Variants in SETD6 observed in about 807,000 individuals in gnomAD.
The protein encoded by SETD6 is SET domain containing 6, protein lysine methyltransferase.
A neutral mutation model predicts 52.7 loss-of-function variants in SETD6; 67 were observed. The observed-to-expected ratio is 1.27, with a 90% CI of 1.04 to 1.56. The LOEUF (loss-of-function observed/expected upper bound fraction) is 1.56. Ranked by LOEUF, SETD6 falls within the 40% of genes most tolerant of loss-of-function variation. The pLI is 0.00. For synonymous variants in SETD6, 307 were observed against 250.2 expected (o/e 1.23, Z -2.14); for missense variants, 712 against 607.5 (o/e 1.17, Z -1.81).
Position 58,521,352 on chromosome 16 carries a change from G to C in SETD6, c.*2323G>C. ...GGGAGAAAGAGCTAGTTAATGTATA[G>C]AAGCATACAAATTCATGATTATTCT... is the stretch of plus-strand genomic sequence containing the variant. On this transcript the variant is annotated 3_prime_UTR_variant, in exon 8 of 8. Coordinates refer to ENST00000219315, the MANE Select transcript of SETD6 (RefSeq NM_001160305.4). 6.4e-7 allele frequency: 1 copy of C among 1,563,274 alleles called. No homozygotes were observed. The highest frequency in any genetic ancestry group is 8.6e-7 in the Non-Finnish European group (1 of 1,157,740).
At chr16:58,517,139 C>A in intron 5 of SETD6, 1 of 659,066 alleles carries the variant, frequency 1.5e-6, no homozygotes, top group Non-Finnish European at 2.6e-6. Context: ...ATAAACTATA[C>A]TACCATCATT....
At position 58,515,855 on chromosome 16, in the gene SETD6, G is replaced by A. The variant is rs2039108620; in HGVS notation, c.92G>A (p.Arg31Gln). The change falls in exon 2 of 8, where the codon CGG (arginine) becomes CAG (glutamine). Residue 31 changes from arginine (R) to glutamine (Q), a missense_variant. By Grantham distance (43) the Arg-to-Gln change is conservative. Transcript: ENST00000219315. ...GCCTGCTTCCTGAGCTGGTGCCGGC[G>A]GGTGGGGCTGGAGCTGAGTCCCAAG... is the stretch of plus-strand genomic sequence containing the variant. ...PVACFLSWCR[R>Q]VGLELSPKVS... The A allele has an allele frequency of 6.5e-7, 1 of 1,527,570 alleles. No individual in the cohort carries two copies. Among genetic ancestry groups the A allele is most frequent in the East Asian group, 2.6e-5 (1 of 38,258 alleles). 94.6% of individuals were successfully genotyped at this position (1,527,570 alleles called of 1,614,324 possible).
At position 58,520,393 on chromosome 16, in the gene SETD6, T is replaced by C. The variant is rs1212207013; in HGVS notation, c.*1364T>C. On this transcript the variant is annotated 3_prime_UTR_variant, in exon 8 of 8. Coordinates refer to ENST00000219315, the MANE Select transcript of SETD6 (RefSeq NM_001160305.4). Reference sequence around the variant, plus strand: ...GGAATACGTTTGGGTAGAGACAAAATGGAAACTCATGGGATTCCAATAGTG... The same window carrying C: ...GGAATACGTTTGGGTAGAGACAAAACGGAAACTCATGGGATTCCAATAGTG... 6.5e-6 allele frequency: 1 copy of C among 154,204 alleles called. No individual in the cohort carries two copies. Among genetic ancestry groups the C allele is most frequent in the East Asian group, 1.9e-4 (1 of 5,224 alleles). The allele number at this position is 154,204 out of a possible 1,614,324, so 9.6% of individuals were successfully genotyped here.
Position 58,515,975 on chromosome 16 carries a change from C to G in SETD6, c.212C>G (p.Thr71Arg). ...PAQVAVSRQG[T>R]VAGYGMVARE... ...CAGGTGGCGGTCAGCCGGCAGGGCA[C>G]GGTGGCCGGCTACGGCATGGTGGCC... Residue 71 changes from threonine (T) to arginine (R), a missense_variant, in exon 2 of 8, where the codon ACG becomes AGG. Transcript: ENST00000219315. 1 of 1,535,560 alleles carries G rather than the reference C, an allele frequency of 6.5e-7. No individual in the cohort carries two copies. Among genetic ancestry groups the G allele is most frequent in the East Asian group, 2.6e-5 (1 of 38,914 alleles).
chr16:58,517,690 G>A lies in SETD6; in HGVS notation c.793-361G>A, dbSNP rs145361088. On this transcript the variant is annotated intron_variant, in intron 5 of 7. Coordinates refer to ENST00000219315, the MANE Select transcript of SETD6 (RefSeq NM_001160305.4). ...GGGGTTTCTCCGTGTTGGCCAGGCT[G>A]GTCTTGAACTCCTGATCTCAGGTGA... 3.7e-4 allele frequency: 103 copies of A among 277,980 alleles called. 1 individual carries two copies. In the East Asian group the frequency reaches 6.6e-3, roughly 18 times the overall value. The allele number at this position is 277,980 out of a possible 1,614,324, so 17.2% of individuals were successfully genotyped here. A position where few individuals can be genotyped will look rare whatever the true frequency, so the allele number is the denominator to read the frequency against.
intron 5 of SETD6, chr16:58,517,712 G>A (rs2039213899): frequency 7.9e-5 from 26 of 327,714 alleles, no homozygotes; most frequent in South Asian, 6.6e-4. Context: ...CTGATCTCAG[G>A]TGATCTGCCC....
Position 58,516,869 on chromosome 16 carries a change from C to T in SETD6, c.733C>T (p.Pro245Ser). ...GGAGCCCAACTCCCCCGTGATGGTGCCTGCTGCAGACATACTAAACCACTT... is the reference window on the plus strand; with the variant it reads ...GGAGCCCAACTCCCCCGTGATGGTGTCTGCTGCAGACATACTAAACCACTT... ...EKEPNSPVMV[P>S]AADILNHLAN... is the part of the protein sequence containing the mutation. Residue 245 changes from proline to serine, a missense_variant, in exon 5 of 8, where the codon CCT (proline) becomes TCT (serine). Coordinates refer to ENST00000219315, the MANE Select transcript of SETD6 (RefSeq NM_001160305.4). The T allele has an allele frequency of 3.1e-6, 5 of 1,614,194 alleles. No homozygotes were observed. Among genetic ancestry groups the T allele is most frequent in the Non-Finnish European group, 4.2e-6 (5 of 1,180,034 alleles).
rs759590325 is a variant in SETD6, at chr16:58,516,912, A to G, written c.776A>G (p.Asn259Ser). ...AACCACTTAGCCAATCACAACGCCA[A>G]TCTAGAATACTCTGCGGTGAGTGGA... Reference protein sequence around the residue: ...ILNHLANHNANLEYSANCLRM... With the variant: ...ILNHLANHNASLEYSANCLRM... Residue 259 changes from asparagine (N) to serine (S), a missense_variant, in exon 5 of 8, where the codon AAT becomes AGT. Coordinates refer to ENST00000219315, the MANE Select transcript of SETD6 (RefSeq NM_001160305.4). The G allele has an allele frequency of 6.2e-6, 10 of 1,614,040 alleles. No individual in the cohort carries two copies. Among genetic ancestry groups the G allele is most frequent in the African/African-American group, 5.3e-5 (4 of 74,894 alleles).
rs1268262073 is a variant in SETD6 at position 58,515,570 on chromosome 16, T to G, written c.27+6T>G. 6.4e-7 allele frequency: 1 copy of G among 1,573,964 alleles called. No homozygotes were observed. Among genetic ancestry groups the G allele is most frequent in the Non-Finnish European group, 8.6e-7 (1 of 1,165,678 alleles). ...CCCAGGCGAAGCGTCCACGGGTGAG[T>G]GGCGGGCGCGGGGTCCAGCCTTTTC... is the stretch of plus-strand genomic sequence containing the variant. On this transcript the variant is annotated splice_donor_region_variant and intron_variant, in intron 1 of 7. Transcript: ENST00000219315.
intron 5 of SETD6, chr16:58,517,175 C>G: frequency 1.9e-6 from 1 of 526,824 alleles, no homozygotes; most frequent in Non-Finnish European, 3.4e-6. Flanking sequence ...ATTGAGTGGT[C>G]TGCATAGCCA....
At position 58,518,109 on chromosome 16, in the gene SETD6, C is replaced by T; in HGVS notation, c.851C>T (p.Thr284Ile). The T allele has an allele frequency of 6.2e-7, 1 of 1,614,208 alleles. No individual in the cohort carries two copies. Among genetic ancestry groups the T allele is most frequent in the Non-Finnish European group, 8.5e-7 (1 of 1,180,042 alleles). ...CCTAAAGGCCATGAGATTTTCAACA[C>T]TTATGGGCAAATGGCTAACTGGCAA... ...PIPKGHEIFN[T>I]YGQMANWQLI... Residue 284 changes from threonine to isoleucine, a missense_variant, in exon 6 of 8, where the codon ACT becomes ATT. Physicochemically the swap from Thr to Ile is moderately conservative, Grantham distance 89 (BLOSUM62 -1). Coordinates refer to ENST00000219315, the MANE Select transcript of SETD6 (RefSeq NM_001160305.4).
At position 58,521,079 on chromosome 16, in the gene SETD6, G is replaced by T. The variant is rs371300514; in HGVS notation, c.*2050G>T. On this transcript the variant is annotated 3_prime_UTR_variant, in exon 8 of 8. Coordinates refer to ENST00000219315, the MANE Select transcript of SETD6 (RefSeq NM_001160305.4). ...TTACAAATCTCTGATTAAAGAGTAG[G>T]CCTAACAATACCTTGCATCTCATTC... The T allele has an allele frequency of 5.6e-6, 9 of 1,613,334 alleles. No individual in the cohort carries two copies. In the African/African-American group the frequency reaches 1.1e-4, roughly 19 times the overall value.
In SETD6 at chr16:58,516,607, C is replaced by T. The variant is rs2039163869; in HGVS notation, c.606C>T (p.Leu202=). Residue 202 remains leucine, a synonymous_variant, in exon 4 of 8, where the codon CTC becomes CTT. Transcript: ENST00000219315. Reference sequence around the variant, plus strand: ...CCTTCATGGAAGCCCACCCCGATCTCTTCAGCCTCAGGGTTCGCTCCCTAG... The same window carrying T: ...CCTTCATGGAAGCCCACCCCGATCTTTTCAGCCTCAGGGTTCGCTCCCTAG... ...VLPFMEAHPD[L]FSLRVRSLEL... is the part of the protein sequence containing the mutation. 8 of 1,614,210 alleles carry T rather than the reference C, an allele frequency of 5.0e-6. No individual in the cohort carries two copies. Among genetic ancestry groups the T allele is most frequent in the Non-Finnish European group, 6.8e-6 (8 of 1,180,020 alleles).
In SETD6 at chr16:58,523,807, C is replaced by CGA. The variant is rs2039487888; in HGVS notation, c.*4778_*4779insGA. 1 of 226,962 alleles carries CGA rather than the reference C, an allele frequency of 4.4e-6. No individual in the cohort carries two copies. Among genetic ancestry groups the CGA allele is most frequent in the South Asian group, 9.7e-5 (1 of 10,260 alleles). 14.1% of individuals were successfully genotyped at this position (226,962 alleles called of 1,614,324 possible). A position where few individuals can be genotyped will look rare whatever the true frequency, so the allele number is the denominator to read the frequency against. ...AAGTCTTTCTACATTTTGCAGATCT[C>CGA]TAAGTCTTGCTTAATAAAAGACAGC... is the stretch of plus-strand genomic sequence containing the variant. On this transcript the variant is annotated 3_prime_UTR_variant, in exon 8 of 8. Coordinates refer to ENST00000219315, the MANE Select transcript of SETD6 (RefSeq NM_001160305.4).
Position 58,522,055 on chromosome 16 carries a change from C to CA in SETD6, c.*3027dup, listed in dbSNP as rs1491394620. Among the ~76,000 whole-genome samples, 219 of 151,908 alleles carry CA rather than the reference C, an allele frequency of 1.4e-3. No individual in the cohort carries two copies. Among genetic ancestry groups the CA allele is most frequent in the African/African-American group, 5.2e-3 (214 of 41,464 alleles). ...ACACTGCAGGCTGGGCACAGTGACT[C>CA]ACGCCTGTAATCCCAGCACTCTGGG... On this transcript the variant is annotated 3_prime_UTR_variant, in exon 8 of 8. Transcript: ENST00000219315.
chr16:58,521,158 C>CAATT lies in SETD6; in HGVS notation c.*2132_*2135dup. 6.2e-7 allele frequency: 1 copy of CAATT among 1,612,918 alleles called. No homozygotes were observed. The highest frequency in any genetic ancestry group is 8.5e-7 in the Non-Finnish European group (1 of 1,179,658). On this transcript the variant is annotated 3_prime_UTR_variant, in exon 8 of 8. Coordinates refer to ENST00000219315, the MANE Select transcript of SETD6 (RefSeq NM_001160305.4). ...TTCAGTCTCCAGTCTCATTCCTAGA[C>CAATT]AATTAAAAATTACTTTGAACTCACT... is the stretch of plus-strand genomic sequence containing the variant.
chr16:58,521,718 G>T lies in SETD6; in HGVS notation c.*2689G>T, dbSNP rs1337305982. On this transcript the variant is annotated 3_prime_UTR_variant, in exon 8 of 8. Coordinates refer to ENST00000219315, the MANE Select transcript of SETD6 (RefSeq NM_001160305.4). ...CTGTAATCCAGCACTTTGGGAGGCCGAGGCAGGTGGATCACCTGAGGTCAG... is the reference window on the plus strand; with the variant it reads ...CTGTAATCCAGCACTTTGGGAGGCCTAGGCAGGTGGATCACCTGAGGTCAG... 6.6e-6 allele frequency among the ~76,000 whole-genome samples: 1 copy of T among 151,920 alleles called. No individual in the cohort carries two copies. Among genetic ancestry groups the T allele is most frequent in the Non-Finnish European group, 1.5e-5 (1 of 67,962 alleles).
chr16:58,521,329 G>A lies in SETD6; in HGVS notation c.*2300G>A. On this transcript the variant is annotated 3_prime_UTR_variant, in exon 8 of 8. Coordinates refer to ENST00000219315, the MANE Select transcript of SETD6 (RefSeq NM_001160305.4). Reference sequence around the variant, plus strand: ...GTTCCAAGAGAACTCTGGAAAAAGGGAGAAAGAGCTAGTTAATGTATAGAA... The same window carrying A: ...GTTCCAAGAGAACTCTGGAAAAAGGAAGAAAGAGCTAGTTAATGTATAGAA... 6.3e-7 allele frequency: 1 copy of A among 1,594,270 alleles called. No homozygotes were observed. The highest frequency in any genetic ancestry group is 8.5e-7 in the Non-Finnish European group (1 of 1,174,790).
rs2039436214 is a variant in SETD6 at position 58,522,513 on chromosome 16, TAGGCA to T, written c.*3486_*3490del. ...ATATTTAGCACCATAGGTGACTAAT[TAGGCA>T]AATGAGCAAGTTTTAAGAGTCTGGC... On this transcript the variant is annotated 3_prime_UTR_variant, in exon 8 of 8. Coordinates refer to ENST00000219315, the MANE Select transcript of SETD6 (RefSeq NM_001160305.4). Among the ~76,000 whole-genome samples the T allele has an allele frequency of 6.6e-6, 1 of 152,164 alleles. No homozygotes were observed. The highest frequency in any genetic ancestry group is 6.5e-5 in the Admixed American group (1 of 15,268).
Sources: allele counts gnomAD v4.1 joint callset (sites outside exome capture counted in the v4.1 genomes callset), GRCh38; gene constraint gnomAD v4.1.1; transcripts MANE v1.5; gene names NCBI Gene and HGNC (gene_info 2026-07-23, HGNC 2026-07-21).